Variants in SLC6A11 observed in about 807,000 individuals in gnomAD.
SLC6A11 encodes the protein solute carrier family 6 member 11.
Under a neutral mutation model 74.8 loss-of-function variants are expected in SLC6A11, and 25 were observed. That is an observed-to-expected ratio of 0.33 (90% CI 0.24 to 0.47). SLC6A11 has a LOEUF of 0.47. Ranked by LOEUF, SLC6A11 falls within the 20% of genes least tolerant of loss-of-function variation. The pLI is 1.00. For synonymous variants in SLC6A11, 330 were observed against 330.2 expected (o/e 1.00, Z 0.01); for missense variants, 574 against 837.0 (o/e 0.69, Z 3.88).
chr3:10,919,545 C>G (rs530590205), intron 8 of SLC6A11, among the ~76,000 whole-genome samples: 2 of 152,150 alleles, frequency 1.3e-5, no homozygotes, highest in African/African-American at 2.4e-5. Context: ...CCCTCTGACC[C>G]ACCAAAATAG....
chr3:10,920,978 G>C (rs559332557), intron 8 of SLC6A11, among the ~76,000 whole-genome samples: 2 of 152,190 alleles, frequency 1.3e-5, no homozygotes, highest in Non-Finnish European at 2.9e-5. Flanking sequence ...GAAGGACCTG[G>C]GCTCACTTTC....
chr3:10,864,350 G>A (rs1042590968), intron 5 of SLC6A11, among the ~76,000 whole-genome samples: 4 of 151,410 alleles, frequency 2.6e-5, no homozygotes, highest in Non-Finnish European at 5.9e-5. Context: ...GGTTGGGAGG[G>A]GCGTTTTCCT....
intron 5 of SLC6A11, among the ~76,000 whole-genome samples, chr3:10,872,856 T>C (rs774471380): frequency 6.6e-6 from 1 of 152,200 alleles, no homozygotes; most frequent in Non-Finnish European, 1.5e-5. Context: ...TTGGAGTCTC[T>C]GAACCAAAGC....
rs538633528 is a variant in SLC6A11, at chr3:10,892,569, C to CTT, written c.891+17489_891+17490dup. Among the ~76,000 whole-genome samples, 531 of 137,952 alleles carry CTT rather than the reference C, an allele frequency of 3.8e-3. 5 individuals carry two copies. Among genetic ancestry groups the CTT allele is most frequent in the African/African-American group, 0.013 (492 of 37,872 alleles). The allele number at this position is 137,952 out of a possible 152,430, so 90.5% of individuals were successfully genotyped here. A position where few individuals can be genotyped will look rare whatever the true frequency, so the allele number is the denominator to read the frequency against. ...AGTGTCTAGTAAAATCACTGTCTTC[C>CTT]TTTTTTTTTTTTTTTTGCTATCAGT... On this transcript the variant is annotated intron_variant, in intron 6 of 13. Transcript: ENST00000254488.
intron 5 of SLC6A11, among the ~76,000 whole-genome samples, chr3:10,853,309 T>C (rs564015969): frequency 1.3e-4 from 20 of 152,266 alleles, no homozygotes; most frequent in African/African-American, 4.8e-4. Flanking sequence ...CAGAGAGAGA[T>C]GACATGAGCC....
At chr3:10,866,580 C>G (rs540322117) in intron 5 of SLC6A11, among the ~76,000 whole-genome samples, 1 of 152,200 alleles carries the variant, frequency 6.6e-6, no homozygotes, top group Non-Finnish European at 1.5e-5. Context: ...TTTTAGGCCC[C>G]ACACACGGGC....
chr3:10,853,497 T>C (rs1457176136), intron 5 of SLC6A11, among the ~76,000 whole-genome samples: 1 of 152,052 alleles, frequency 6.6e-6, no homozygotes, highest in Non-Finnish European at 1.5e-5. Context: ...CCCATGTCAG[T>C]TGGCATCCAA....
At chr3:10,819,264 G>A (rs1439421531) in intron 1 of SLC6A11, among the ~76,000 whole-genome samples, 1 of 152,176 alleles carries the variant, frequency 6.6e-6, no homozygotes, top group African/African-American at 2.4e-5. Flanking sequence ...TTTTACAGAT[G>A]GAGAAGTTGA....
Position 10,926,511 on chromosome 3 carries a change from G to A in SLC6A11, c.1233+395G>A, listed in dbSNP as rs1695609308. Among the ~76,000 whole-genome samples the A allele has an allele frequency of 6.6e-6, 1 of 152,088 alleles. No homozygotes were observed. The highest frequency in any genetic ancestry group is 1.5e-5 in the Non-Finnish European group (1 of 68,024). ...AGAGAGTGAGTTCCACAGCATGCATGTCCCCATCCCAACCCAATCATTGAG... is the reference window on the plus strand; with the variant it reads ...AGAGAGTGAGTTCCACAGCATGCATATCCCCATCCCAACCCAATCATTGAG... On this transcript the variant is annotated intron_variant, in intron 9 of 13. Coordinates refer to ENST00000254488, the MANE Select transcript of SLC6A11 (RefSeq NM_014229.3). The surrounding 1 kb of genome is among the most constrained non-coding windows in gnomAD (Gnocchi z 5.7).
chr3:10,873,125 C>G (rs1033678146), intron 5 of SLC6A11, among the ~76,000 whole-genome samples: 3 of 152,284 alleles, frequency 2.0e-5, no homozygotes, highest in Non-Finnish European at 2.9e-5. Flanking sequence ...GACGGGAACT[C>G]CTACAGTCCC....
At chr3:10,916,412 A>C (rs1695454592) in intron 7 of SLC6A11, among the ~76,000 whole-genome samples, 1 of 152,192 alleles carries the variant, frequency 6.6e-6, no homozygotes. Flanking sequence ...TGTATTGCTC[A>C]CAAGTCTGCT....
intron 4 of SLC6A11, among the ~76,000 whole-genome samples, chr3:10,838,895 G>C (rs1384931724): frequency 6.6e-6 from 1 of 152,184 alleles, no homozygotes; most frequent in African/African-American, 2.4e-5. Context: ...GTGGTGCCGA[G>C]CACAGTTCTC....
chr3:10,930,654 G>A (rs144024537), intron 10 of SLC6A11, among the ~76,000 whole-genome samples: 76 of 152,300 alleles, frequency 5.0e-4, no homozygotes, highest in Middle Eastern at 3.4e-3. Flanking sequence ...AGCCTGATGC[G>A]TTAAAGAGGC....
rs1244486587 is a variant in SLC6A11 at position 10,935,161 on chromosome 3, T to G, written c.1708T>G (p.Cys570Gly). 4 of 1,614,106 alleles carry G rather than the reference T, an allele frequency of 2.5e-6. No homozygotes were observed. The highest frequency in any genetic ancestry group is 3.4e-6 in the Non-Finnish European group (4 of 1,180,034). Residue 570 changes from cysteine to glycine, a missense_variant, in exon 13 of 14, where the codon TGC becomes GGC. Cys to Gly is a radical substitution (Grantham distance 159). This residue lies in a region of SLC6A11 where 257 missense variants were observed against 341.5 expected (regional missense o/e 0.75). Coordinates refer to ENST00000254488, the MANE Select transcript of SLC6A11 (RefSeq NM_014229.3). Reference sequence around the variant, plus strand: ...CATGCTCTGCATCCCGCTCTGGATCTGCATCACAGTGTGGAAGACGGAGGG... The same window carrying G: ...CATGCTCTGCATCCCGCTCTGGATCGGCATCACAGTGTGGAAGACGGAGGG... ...SSMLCIPLWI[C>G]ITVWKTEGTL...
chr3:10,882,268 T>C (rs111245967), intron 6 of SLC6A11, among the ~76,000 whole-genome samples: 230 of 152,346 alleles, frequency 1.5e-3, no homozygotes, highest in African/African-American at 5.2e-3. Context: ...GGAGAATAGC[T>C]TCTCCACTGA....
intron 4 of SLC6A11, among the ~76,000 whole-genome samples, chr3:10,836,416 G>A (rs1409517523): frequency 6.6e-6 from 1 of 152,172 alleles, no homozygotes; most frequent in African/African-American, 2.4e-5. Flanking sequence ...AACTTTTTAA[G>A]AAAGTGCCAA....
intron 7 of SLC6A11, among the ~76,000 whole-genome samples, chr3:10,912,898 G>A (rs1367949071): frequency 6.6e-6 from 1 of 152,130 alleles, no homozygotes; most frequent in Non-Finnish European, 1.5e-5. Context: ...CCTGAACTCA[G>A]TGCCTGGTAC....
intron 5 of SLC6A11, among the ~76,000 whole-genome samples, chr3:10,853,279 C>G (rs1426738104): frequency 6.6e-6 from 1 of 152,170 alleles, no homozygotes; most frequent in Non-Finnish European, 1.5e-5. Context: ...AGCAAAAGCT[C>G]AAAGGGGCAT....
chr3:10,870,775 C>G (rs1480662123), intron 5 of SLC6A11, among the ~76,000 whole-genome samples: 1 of 152,166 alleles, frequency 6.6e-6, no homozygotes, highest in Non-Finnish European at 1.5e-5. Context: ...AATGATGCCT[C>G]TAAGCCACCT....
Sources: gnomAD v4.1 joint callset for allele counts (sites outside exome capture counted in the v4.1 genomes callset) on GRCh38, gnomAD v4.1.1 for gene constraint, gnomAD v4.1.1 regional missense constraint, Gnocchi (gnomAD v3.1) non-coding constraint, MANE v1.5 for transcripts, NCBI Gene and HGNC (gene_info 2026-07-23, HGNC 2026-07-21) for gene names.